The following FBXL7 variants were observed in gnomAD, a reference collection of about 807,000 sequenced individuals.
FBXL7 encodes F-box and leucine rich repeat protein 7, also known as F-box/LRR-repeat protein 7.
Under a neutral mutation model 38.3 loss-of-function variants are expected in FBXL7, and 12 were observed. The observed-to-expected ratio is 0.31, with a 90% confidence interval of 0.20 to 0.51. The LOEUF (loss-of-function observed/expected upper bound fraction) is 0.51, where lower values mean the gene tolerates loss of function less well. Ranked by LOEUF, FBXL7 falls within the 20% of genes least tolerant of loss-of-function variation. The pLI is 0.98. For synonymous variants in FBXL7, 297 were observed against 300.9 expected (o/e 0.99, Z 0.13); for missense variants, 567 against 676.4 (o/e 0.84, Z 1.79).
intron 2 of FBXL7, among the ~76,000 whole-genome samples, chr5:15,618,385 G>C (rs996812853): frequency 6.6e-6 from 1 of 152,210 alleles, no homozygotes; most frequent in South Asian, 2.1e-4. Flanking sequence ...ATTAAGTTCT[G>C]CTATTTGTGT....
chr5:15,570,899 G>A (rs974061583), intron 1 of FBXL7, among the ~76,000 whole-genome samples: 1 of 152,044 alleles, frequency 6.6e-6, no homozygotes, highest in African/African-American at 2.4e-5. Flanking sequence ...TCGAGACCAG[G>A]CTGACCAACA....
chr5:15,711,925 A>AT (rs1317053674), intron 2 of FBXL7, among the ~76,000 whole-genome samples: 3 of 152,224 alleles, frequency 2.0e-5, no homozygotes, highest in Admixed American at 2.0e-4. Context: ...CAGGTATAAC[A>AT]TTTTTTGAGC....
At chr5:15,626,757 C>T (rs1454152596) in intron 2 of FBXL7, among the ~76,000 whole-genome samples, 2 of 151,978 alleles carry the variant, frequency 1.3e-5, no homozygotes, top group Admixed American at 1.3e-4. Context: ...AAAAAAGCAC[C>T]AAAAAACTAA....
At chr5:15,796,478 GAA>G (rs35098278) in intron 2 of FBXL7, among the ~76,000 whole-genome samples, 80,391 of 149,738 alleles carry the variant, frequency 0.54, 22,607 homozygotes, top group Non-Finnish European at 0.64. Flanking sequence ...TCTTGTTACA[GAA>G]AAAAAAAAAA....
chr5:15,859,483 T>C (rs1579529237), intron 2 of FBXL7, among the ~76,000 whole-genome samples: 1 of 152,050 alleles, frequency 6.6e-6, no homozygotes, highest in African/African-American at 2.4e-5. Flanking sequence ...CAAGACAAGG[T>C]AACTGATAAA....
intron 2 of FBXL7, among the ~76,000 whole-genome samples, chr5:15,714,503 A>G (rs1410151430): frequency 6.7e-6 from 1 of 150,352 alleles, no homozygotes; most frequent in Non-Finnish European, 1.5e-5. Flanking sequence ...GGAGTGTACA[A>G]TGTGGAATAC....
intron 1 of FBXL7, among the ~76,000 whole-genome samples, chr5:15,578,997 C>A (rs894844793): frequency 6.6e-6 from 1 of 152,160 alleles, no homozygotes. Context: ...AGATATACAG[C>A]CTTTGCCAAC....
chr5:15,932,257 T>C (rs1355544912), intron 3 of FBXL7, among the ~76,000 whole-genome samples: 1 of 152,140 alleles, frequency 6.6e-6, no homozygotes, highest in Non-Finnish European at 1.5e-5. Context: ...AAACACATGC[T>C]CTGAAGGGAA....
chr5:15,779,711 G>A (rs1057284929), intron 2 of FBXL7, among the ~76,000 whole-genome samples: 6 of 152,110 alleles, frequency 3.9e-5, no homozygotes, highest in African/African-American at 1.4e-4. Flanking sequence ...TTTTTAGGCA[G>A]TTTAAAGTCT....
rs149602039 is a variant in FBXL7 at position 15,641,428 on chromosome 5, A to G, written c.127+25356A>G. 6.5e-3 allele frequency among the ~76,000 whole-genome samples: 993 copies of G among 152,230 alleles called. 4 individuals carry two copies. Among genetic ancestry groups the G allele is most frequent in the Middle Eastern group, 0.014 (4 of 294 alleles). The stretch of plus-strand genomic sequence containing the variant: ...GAGACAGGTAGGAAGTTCTTGGTGC[A>G]TGGAAATTCCTCCACAGGGAAACCA... On this transcript the variant is annotated intron_variant, in intron 2 of 3. Coordinates refer to ENST00000504595, the MANE Select transcript of FBXL7 (RefSeq NM_012304.5).
intron 2 of FBXL7, among the ~76,000 whole-genome samples, chr5:15,732,495 A>C (rs4273604): frequency 0.64 from 96,674 of 151,902 alleles, 31,355 homozygotes; most frequent in East Asian, 0.72. Context: ...TGCTGCATGG[A>C]GTTTTATATT....
chr5:15,587,008 G>T (rs988831700), intron 1 of FBXL7, among the ~76,000 whole-genome samples: 6 of 152,128 alleles, frequency 3.9e-5, no homozygotes, highest in Non-Finnish European at 7.3e-5. Context: ...ATCTCCCACT[G>T]CAATGGCTTC....
intron 2 of FBXL7, among the ~76,000 whole-genome samples, chr5:15,811,531 A>G (rs1579483835): frequency 6.6e-6 from 1 of 152,116 alleles, no homozygotes; most frequent in East Asian, 1.9e-4. Flanking sequence ...GAGACCTTAT[A>G]TCCAAGTACA....
intron 2 of FBXL7, among the ~76,000 whole-genome samples, chr5:15,788,164 G>A (rs1737180005): frequency 1.3e-5 from 2 of 152,078 alleles, no homozygotes; most frequent in African/African-American, 4.8e-5. Flanking sequence ...TGGATGGAGG[G>A]CCCAACGCAA....
At chr5:15,837,163 C>G (rs1433079956) in intron 2 of FBXL7, among the ~76,000 whole-genome samples, 3 of 152,176 alleles carry the variant, frequency 2.0e-5, no homozygotes, top group Non-Finnish European at 4.4e-5. Flanking sequence ...TTATAACACT[C>G]AAATGTGAAA....
intron 1 of FBXL7, among the ~76,000 whole-genome samples, chr5:15,529,609 C>T (rs967269514): frequency 2.6e-5 from 4 of 152,044 alleles, no homozygotes; most frequent in South Asian, 4.2e-4. Context: ...AGGATGGTCG[C>T]GATCTCCTGA....
intron 1 of FBXL7, among the ~76,000 whole-genome samples, chr5:15,592,831 T>G (rs1580390835): frequency 6.6e-6 from 1 of 152,356 alleles, no homozygotes; most frequent in Admixed American, 6.5e-5. Flanking sequence ...GTATAATGGA[T>G]AGTCTGTTTA....
intron 2 of FBXL7, among the ~76,000 whole-genome samples, chr5:15,677,894 T>C (rs571937093): frequency 6.6e-6 from 1 of 152,266 alleles, no homozygotes; most frequent in East Asian, 1.9e-4. Context: ...TTTCTATAGC[T>C]TCATGTCCTA....
chr5:15,749,404 A>G (rs1213291850), intron 2 of FBXL7, among the ~76,000 whole-genome samples: 2 of 152,098 alleles, frequency 1.3e-5, no homozygotes, highest in Non-Finnish European at 2.9e-5. Context: ...AGGCGGGCGA[A>G]TCACGAGGTC....
Sources: allele counts gnomAD v4.1 joint callset (sites outside exome capture counted in the v4.1 genomes callset), GRCh38; gene constraint gnomAD v4.1.1; transcripts MANE v1.5; gene names NCBI Gene and HGNC (gene_info 2026-07-23, HGNC 2026-07-21).